The following PAK3 variants were observed in gnomAD, a reference collection of about 807,000 sequenced individuals.
The protein encoded by PAK3 is p21 (RAC1) activated kinase 3, also known as serine/threonine-protein kinase PAK 3.
In PAK3, 4 loss-of-function variants were observed where a neutral mutation model predicts 41.0. The observed-to-expected ratio is 0.10, with a 90% CI of 0.05 to 0.22. The LOEUF is 0.22. Ranked by LOEUF, PAK3 falls within the 10% of genes least tolerant of loss-of-function variation. The pLI is 1.00. For synonymous variants in PAK3, 146 were observed against 139.6 expected, an observed-to-expected ratio of 1.05 and a Z score of -0.32; for missense variants, 205 against 409.9, an observed-to-expected ratio of 0.50 and a Z score of 4.32.
At chrX:110,959,638 T>C (rs1156283588) in intron 1 of PAK3, among the ~76,000 whole-genome samples, 1 of 111,413 alleles carries the variant, frequency 9.0e-6, no homozygotes, top group African/African-American at 3.3e-5. Flanking sequence ...CTCCAGGTGA[T>C]ACTAGTGTGC....
At chrX:111,004,832 T>C (rs1451772662) in intron 1 of PAK3, among the ~76,000 whole-genome samples, 1 of 112,149 alleles carries the variant, frequency 8.9e-6, no homozygotes, top group Non-Finnish European at 1.9e-5. Flanking sequence ...AGAGTATTCT[T>C]TAGTTGTTAA....
intron 1 of PAK3, among the ~76,000 whole-genome samples, chrX:110,951,306 C>T (rs746715272): frequency 1.2e-4 from 13 of 112,319 alleles, no homozygotes; most frequent in African/African-American, 4.2e-4. Context: ...ATGTCTTTCA[C>T]TGTACAGAAA....
chrX:110,954,654 C>A (rs1256639178), intron 1 of PAK3, among the ~76,000 whole-genome samples: 6 of 111,777 alleles, frequency 5.4e-5, no homozygotes, highest in Admixed American at 3.8e-4. Flanking sequence ...AGGGGAGGTT[C>A]ATTTTAATGG....
chrX:111,033,204 T>C (rs1452123244), intron 1 of PAK3, among the ~76,000 whole-genome samples: 2 of 111,252 alleles, frequency 1.8e-5, no homozygotes, highest in Non-Finnish European at 3.8e-5. Flanking sequence ...CAAACAGCTG[T>C]GACGAACCAA....
In PAK3 at chrX:110,958,858, A is replaced by T. The variant is rs191108496; in HGVS notation, c.-28+14230A>T. 1.1e-4 allele frequency among the ~76,000 whole-genome samples: 12 copies of T among 111,746 alleles called. No individual in the cohort carries two copies. The East Asian group carries it at 3.1e-3, about 29-fold the overall frequency. On this transcript the variant is annotated intron_variant, in intron 1 of 14. Coordinates refer to the PAK3 transcript ENST00000425146. ...GATATGATGTATTAAATGCTGTATG[A>T]TTGATTAACAAAGGGAAGAGGTTCC...
At chrX:111,159,525 G>A (rs1352505573) in intron 8 of PAK3, among the ~76,000 whole-genome samples, 1 of 111,233 alleles carries the variant, frequency 9.0e-6, no homozygotes, top group Non-Finnish European at 1.9e-5. Flanking sequence ...CAGTGATTAG[G>A]TACATTCTTG....
In PAK3 at chrX:111,225,443, G is replaced by A. The variant is rs1343675237; in HGVS notation, c.*4996G>A. Reference sequence around the variant, plus strand: ...CTTGCAAGATAAACTTTTGGAAACTGCTTAGTGCCATCGGAGTCTCCTTTA... The same window carrying A: ...CTTGCAAGATAAACTTTTGGAAACTACTTAGTGCCATCGGAGTCTCCTTTA... On this transcript the variant is annotated 3_prime_UTR_variant, in exon 18 of 18. Coordinates refer to ENST00000372007, the MANE Select transcript of PAK3 (RefSeq NM_002578.5). 8.9e-6 allele frequency: 1 copy of A among 112,041 alleles called. No homozygotes were observed. The highest frequency in any genetic ancestry group is 1.9e-5 in the Non-Finnish European group (1 of 53,276). The allele number at this position is 112,041 out of a possible 1,213,427, so 9.2% of individuals were successfully genotyped here.
intron 6 of PAK3, among the ~76,000 whole-genome samples, chrX:111,145,786 T>C (rs2093936357): frequency 8.9e-6 from 1 of 111,866 alleles, no homozygotes; most frequent in South Asian, 3.7e-4. Context: ...CTTGTCTTAT[T>C]TTGTGGGAAG....
chrX:110,969,727 C>T lies in PAK3; in HGVS notation c.-28+25099C>T, dbSNP rs540526713. ...TATCCTTCCACCAATACAATGCTCT[C>T]TTGATTACTGTAGTTTTGTGGTAAA... On this transcript the variant is annotated intron_variant, in intron 1 of 14. Transcript: ENST00000425146. 3.6e-5 allele frequency among the ~76,000 whole-genome samples: 4 copies of T among 111,777 alleles called. No homozygotes were observed. The South Asian group carries it at 1.5e-3, about 42-fold the overall frequency.
At chrX:111,159,693 A>G (rs2094146992) in intron 8 of PAK3, among the ~76,000 whole-genome samples, 1 of 112,018 alleles carries the variant, frequency 8.9e-6, no homozygotes, top group African/African-American at 3.2e-5. Flanking sequence ...TGGAAACTTA[A>G]TGTCATTAAC....
At chrX:110,966,717 T>C (rs1285457747) in intron 1 of PAK3, among the ~76,000 whole-genome samples, 1 of 105,328 alleles carries the variant, frequency 9.5e-6, no homozygotes, top group Non-Finnish European at 2.0e-5. Context: ...TGTACAAATA[T>C]AAAAAAAAAA....
intron 1 of PAK3, among the ~76,000 whole-genome samples, chrX:110,955,163 G>A (rs780071260): frequency 8.9e-6 from 1 of 112,141 alleles, no homozygotes; most frequent in South Asian, 3.8e-4. Context: ...ACCAAAGCAT[G>A]CACTGCAATT....
At chrX:111,164,353 T>C (rs1219633529) in intron 10 of PAK3, among the ~76,000 whole-genome samples, 1 of 111,241 alleles carries the variant, frequency 9.0e-6, no homozygotes, top group Admixed American at 9.6e-5. Flanking sequence ...TAAAGCATAT[T>C]CATTAAACTC....
At chrX:111,036,876 A>T (rs1307993414) in intron 1 of PAK3, among the ~76,000 whole-genome samples, 1 of 111,908 alleles carries the variant, frequency 8.9e-6, no homozygotes, top group Non-Finnish European at 1.9e-5. Flanking sequence ...ACTCATTAGC[A>T]ATTTACAATT....
intron 1 of PAK3, among the ~76,000 whole-genome samples, chrX:111,030,254 C>T (rs1025327963): frequency 1.8e-5 from 2 of 110,184 alleles, no homozygotes; most frequent in Admixed American, 9.7e-5. Flanking sequence ...GGTTCATCTC[C>T]GAGTTTTCTT....
chrX:111,217,040 T>A, intron 17 of PAK3: 1 of 752,745 alleles, frequency 1.3e-6, no homozygotes, highest in Non-Finnish European at 1.6e-6. Context: ...GGTGAGTGCC[T>A]CTGTAACCAT....
intron 9 of PAK3, 115 bp downstream of exon 9, chrX:111,163,161 G>A: frequency 2.6e-6 from 2 of 764,931 alleles, no homozygotes; most frequent in South Asian, 4.4e-5. Flanking sequence ...TGTTCCAAGA[G>A]CTAAAGTATA....
At position 111,224,255 on chromosome X, in the gene PAK3, G is replaced by C. The variant is rs1232467268; in HGVS notation, c.*3808G>C. 1 of 111,686 alleles carries C rather than the reference G, an allele frequency of 9.0e-6. No homozygotes were observed. Among genetic ancestry groups the C allele is most frequent in the African/African-American group, 3.3e-5 (1 of 30,696 alleles). 9.2% of individuals were successfully genotyped at this position (111,686 alleles called of 1,213,427 possible). ...TCTTCTGCTTTAAAACAGGTTGTCTGCCCTCTGCTTTGGTATGGCATTCGG... is the reference window on the plus strand; with the variant it reads ...TCTTCTGCTTTAAAACAGGTTGTCTCCCCTCTGCTTTGGTATGGCATTCGG... On this transcript the variant is annotated 3_prime_UTR_variant, in exon 18 of 18. Coordinates refer to ENST00000372007, the MANE Select transcript of PAK3 (RefSeq NM_002578.5).
Position 111,161,494 on chromosome X carries a change from G to T in PAK3, c.469-1421G>T, listed in dbSNP as rs2094187829. On this transcript the variant is annotated intron_variant, in intron 8 of 17. Transcript: ENST00000372007. ...AATTAGATCCCATTTGTCAATTTTG[G>T]CTTTTGTTGTCATTGCTTTTGGTGT... 2.7e-5 allele frequency among the ~76,000 whole-genome samples: 3 copies of T among 110,507 alleles called. No homozygotes were observed. The Admixed American group carries it at 2.9e-4, about 11-fold the overall frequency.
Sources: gnomAD v4.1 joint callset for allele counts (sites outside exome capture counted in the v4.1 genomes callset) on GRCh38, gnomAD v4.1.1 for gene constraint, MANE v1.5 for transcripts, NCBI Gene and HGNC (gene_info 2026-07-23, HGNC 2026-07-21) for gene names.